The following EFCAB11 variants were observed in gnomAD, a reference collection of about 807,000 sequenced individuals.
EFCAB11 encodes EF-hand calcium-binding domain-containing protein 11.
A neutral mutation model predicts 23.0 loss-of-function variants in EFCAB11; 14 were observed. That is an observed-to-expected ratio of 0.61 (90% CI 0.40 to 0.95). The LOEUF is 0.95. Ranked by LOEUF, EFCAB11 falls within the 40% of genes least tolerant of loss-of-function variation. The probability of loss-of-function intolerance (pLI) is 0.00; values close to 1 mark genes in which losing one functional copy is unlikely to be tolerated. For synonymous variants in EFCAB11, 65 were observed against 66.6 expected, an observed-to-expected ratio of 0.98 and a Z score of 0.11; for missense variants, 198 against 195.8, an observed-to-expected ratio of 1.01 and a Z score of -0.07.
At chr14:89,903,412 G>GA (rs977427476) in intron 5 of EFCAB11, among the ~76,000 whole-genome samples, 3 of 152,008 alleles carry the variant, frequency 2.0e-5, no homozygotes, top group Admixed American at 1.3e-4. Context: ...TCACGCATTT[G>GA]AAAAAAATTA....
chr14:89,879,661 G>C (rs747518700), intron 5 of EFCAB11, among the ~76,000 whole-genome samples: 6 of 152,070 alleles, frequency 3.9e-5, no homozygotes, highest in Non-Finnish European at 8.8e-5. Context: ...CTTTACTTTT[G>C]CCAAACCAAG....
intron 5 of EFCAB11, among the ~76,000 whole-genome samples, chr14:89,855,919 A>G (rs767805854): frequency 6.6e-6 from 1 of 152,170 alleles, no homozygotes; most frequent in Non-Finnish European, 1.5e-5. Context: ...CACCTGGTAT[A>G]AAGCCCACCA....
intron 5 of EFCAB11, among the ~76,000 whole-genome samples, chr14:89,821,101 A>G (rs1886502198): frequency 6.6e-6 from 1 of 151,878 alleles, no homozygotes; most frequent in South Asian, 2.1e-4. Context: ...GGCTTGAGCA[A>G]TCCTCCTGCC....
intron 3 of EFCAB11, among the ~76,000 whole-genome samples, chr14:89,934,482 G>A (rs1255906844): frequency 1.3e-5 from 2 of 152,142 alleles, no homozygotes; most frequent in Non-Finnish European, 2.9e-5. Context: ...GAGATGAAGA[G>A]TTGCCATTCA....
At position 89,870,613 on chromosome 14, in the gene EFCAB11, A is replaced by G. The variant is rs1378062045; in HGVS notation, c.410+60928T>C. Among the ~76,000 whole-genome samples, 15 of 152,204 alleles carry G rather than the reference A, an allele frequency of 9.9e-5. 1 individual carries two copies. In the Middle Eastern group the frequency reaches 0.031, roughly 311 times the overall value. ...ACCAAAACTTGTGAACTCACCCCCA[A>G]TGTCAGAACTAGAAAACTAACAAGA... On this transcript the variant is annotated intron_variant, in intron 5 of 5. Transcript: ENST00000316738.
intron 5 of EFCAB11, among the ~76,000 whole-genome samples, chr14:89,838,294 A>G (rs1418765811): frequency 6.6e-6 from 1 of 152,222 alleles, no homozygotes; most frequent in African/African-American, 2.4e-5. Flanking sequence ...TGTGAAATAA[A>G]AAGAGGTAGA....
intron 5 of EFCAB11, among the ~76,000 whole-genome samples, chr14:89,869,116 T>G (rs1177001531): frequency 6.6e-6 from 1 of 152,108 alleles, no homozygotes; most frequent in Admixed American, 6.5e-5. Flanking sequence ...AGCAGGAAGA[T>G]CACTTGAGCC....
intron 5 of EFCAB11, among the ~76,000 whole-genome samples, chr14:89,817,647 C>T (rs1466893155): frequency 3.9e-5 from 6 of 151,966 alleles, no homozygotes; most frequent in Non-Finnish European, 8.8e-5. Flanking sequence ...ATATTTATCC[C>T]AGGTAGGTAT....
At chr14:89,867,127 T>C (rs936322662) in intron 5 of EFCAB11, among the ~76,000 whole-genome samples, 5 of 152,214 alleles carry the variant, frequency 3.3e-5, no homozygotes, top group Non-Finnish European at 7.3e-5. Context: ...GATTATAAAC[T>C]GAGTATGAAG....
In EFCAB11 at chr14:89,912,780, A is replaced by G. The variant is rs529494501; in HGVS notation, c.410+18761T>C. On this transcript the variant is annotated intron_variant, in intron 5 of 5. Transcript: ENST00000316738. ...AACGGGAACAACAAAGGAATAAACT[A>G]CTGCAGGCATCACCAGGACTGGAAT... 2.0e-5 allele frequency among the ~76,000 whole-genome samples: 3 copies of G among 152,344 alleles called. No individual in the cohort carries two copies. The East Asian group carries it at 5.8e-4, about 29-fold the overall frequency.
At chr14:89,870,089 T>C (rs1596412826) in intron 5 of EFCAB11, among the ~76,000 whole-genome samples, 1 of 152,172 alleles carries the variant, frequency 6.6e-6, no homozygotes, top group Non-Finnish European at 1.5e-5. Flanking sequence ...GTTGGTAGAG[T>C]ACATAGAAGA....
intron 5 of EFCAB11, among the ~76,000 whole-genome samples, chr14:89,843,522 A>T (rs1341841397): frequency 6.6e-6 from 1 of 152,210 alleles, no homozygotes; most frequent in Non-Finnish European, 1.5e-5. Context: ...TTCATAGTTA[A>T]AAAGGGGAGG....
At chr14:89,811,711 C>T (rs888711418) in intron 5 of EFCAB11, among the ~76,000 whole-genome samples, 1 of 152,146 alleles carries the variant, frequency 6.6e-6, no homozygotes, top group Non-Finnish European at 1.5e-5. Context: ...TGGCTTCTCC[C>T]CTTGAGCCTC....
chr14:89,954,396 G>A, intron 1 of EFCAB11, 190 bp downstream of exon 1: 2 of 1,536,322 alleles, frequency 1.3e-6, no homozygotes, highest in Non-Finnish European at 1.7e-6. Context: ...GGAACTTGGA[G>A]GTAGCCGTAG....
At chr14:89,924,512 C>T in intron 5 of EFCAB11, 1 of 1,443,296 alleles carries the variant, frequency 6.9e-7, no homozygotes, top group Non-Finnish European at 9.1e-7. Context: ...GCAGTGCTTA[C>T]AATGAGATGG....
intron 5 of EFCAB11, among the ~76,000 whole-genome samples, chr14:89,909,715 T>A (rs1368145086): frequency 6.6e-6 from 1 of 152,200 alleles, no homozygotes; most frequent in Non-Finnish European, 1.5e-5. Context: ...TCCAGTCTCA[T>A]CACTCTGCAT....
At chr14:89,844,688 A>G (rs1192998613) in intron 5 of EFCAB11, among the ~76,000 whole-genome samples, 2 of 152,192 alleles carry the variant, frequency 1.3e-5, no homozygotes, top group Admixed American at 6.5e-5. Flanking sequence ...CCTCCCAGCC[A>G]CATCCCCACA....
intron 3 of EFCAB11, among the ~76,000 whole-genome samples, chr14:89,935,399 T>TG (rs557447319): frequency 2.3e-5 from 2 of 85,884 alleles, no homozygotes; most frequent in Non-Finnish European, 3.7e-5. Context: ...GCATGTGGGT[T>TG]TTTTTTTTTT....
At chr14:89,870,188 T>C (rs1888221866) in intron 5 of EFCAB11, among the ~76,000 whole-genome samples, 1 of 152,186 alleles carries the variant, frequency 6.6e-6, no homozygotes, top group African/African-American at 2.4e-5. Context: ...CTGATGAAAA[T>C]TAACTGTATC....
Sources: allele counts gnomAD v4.1 joint callset (sites outside exome capture counted in the v4.1 genomes callset), GRCh38; gene constraint gnomAD v4.1.1; transcripts MANE v1.5; gene names NCBI Gene and HGNC (gene_info 2026-07-23, HGNC 2026-07-21).